NBPF8: variants seen among roughly 807,000 people sequenced by gnomAD.
NBPF8 encodes the protein NBPF family member NBPF8.
chr1:120,452,835 G>A (rs1661322542), intron 13 of NBPF8, among the ~76,000 whole-genome samples: 1 of 152,178 alleles, frequency 6.6e-6, no homozygotes, highest in Admixed American at 6.5e-5. Flanking sequence ...CTCGCCGTGT[G>A]ATGTTGGAGA....
chr1:120,420,234 A>AT (rs1660536586), intron 1 of NBPF8, among the ~76,000 whole-genome samples, 116 bp downstream of exon 2: 1 of 152,104 alleles, frequency 6.6e-6, no homozygotes, highest in Non-Finnish European at 1.5e-5. Flanking sequence ...CTTGCCTGGC[A>AT]TGAAACAGAT....
At chr1:120,451,689 C>A (rs1661276073) in intron 12 of NBPF8, among the ~76,000 whole-genome samples, 1 of 148,308 alleles carries the variant, frequency 6.7e-6, no homozygotes, top group African/African-American at 2.5e-5. Context: ...TCGACCCTGT[C>A]ATTCTTTTCT....
At chr1:120,434,415 T>TTA (rs55708778), upstream of NBPF8, among the ~76,000 whole-genome samples, 4,374 of 145,140 alleles carry the variant, frequency 0.03, 156 homozygotes, top group East Asian at 0.12. Context: ...TGTATATATA[T>TTA]TATATATATA....
chr1:120,454,017 G>T, exon 15 of NBPF8: 1 of 1,612,452 alleles, frequency 6.2e-7, no homozygotes, highest in Non-Finnish European at 8.5e-7. Flanking sequence ...AGCCACATAG[G>T]AAAACCAAAA....
At chr1:120,460,810 T>A (rs1345041330) in intron 18 of NBPF8, among the ~76,000 whole-genome samples, 186 bp downstream of exon 16, 1 of 151,946 alleles carries the variant, frequency 6.6e-6, no homozygotes, top group Non-Finnish European at 1.5e-5. Context: ...CCTACCCTTA[T>A]CATTTACTAA....
chr1:120,466,467 T>A, exon 25 of NBPF8: 1 of 436,410 alleles, frequency 2.3e-6, no homozygotes. Flanking sequence ...CAGTCGGACA[T>A]TTTAATTTGA....
At chr1:120,467,479 G>C (rs1404016732) in exon 25 of NBPF8, 1 of 50,444 alleles carries the variant, frequency 2.0e-5, no homozygotes, top group Non-Finnish European at 4.3e-5. Context: ...TGAAGTACTT[G>C]GGAAAGCAGT....
chr1:120,421,596 C>A (rs1660579759), intron 1 of NBPF8, among the ~76,000 whole-genome samples: 1 of 148,564 alleles, frequency 6.7e-6, no homozygotes, highest in Admixed American at 6.8e-5. Context: ...CTTTGTCTCT[C>A]ATGCTCTCTC....
chr1:120,428,738 T>C (rs12086328), intron 3 of NBPF8, among the ~76,000 whole-genome samples: 1 of 146,000 alleles, frequency 6.8e-6, no homozygotes, highest in East Asian at 1.9e-4. Context: ...CCTCAGCCTG[T>C]CAGTCTCTGT....
chr1:120,468,602 A>G (rs1395716467), downstream of NBPF8, among the ~76,000 whole-genome samples: 15 of 150,720 alleles, frequency 1.0e-4, no homozygotes, highest in East Asian at 1.9e-4. Flanking sequence ...TCTCTTCACC[A>G]TGAGTCTCCA....
exon 18 of NBPF8, chr1:120,460,621 C>A (rs1553250164): frequency 0.2 from 268,572 of 1,322,674 alleles, 35,081 homozygotes; most frequent in East Asian, 0.68. Context: ...GCAACAGGTC[C>A]CAGGTGAGTC....
intron 1 of NBPF8, among the ~76,000 whole-genome samples, chr1:120,422,562 G>T (rs1660604570): frequency 1.5e-5 from 2 of 129,138 alleles, no homozygotes; most frequent in Admixed American, 7.3e-5. Context: ...TGACTTGACA[G>T]CTTGTTTTGT....
At chr1:120,454,587 G>A (rs1661380468) in intron 15 of NBPF8, among the ~76,000 whole-genome samples, 1 of 151,786 alleles carries the variant, frequency 6.6e-6, no homozygotes. Flanking sequence ...CCTGAAATCA[G>A]TACGGAAACT....
chr1:120,452,393 C>T, intron 13 of NBPF8, 62 bp downstream of exon 11: 1 of 845,004 alleles, frequency 1.2e-6, no homozygotes, highest in Non-Finnish European at 2.0e-6. Flanking sequence ...TCCAGACCTC[C>T]ATACTTTCAC....
chr1:120,462,283 C>A, intron 20 of NBPF8, 86 bp downstream of exon 18: 2 of 676,852 alleles, frequency 3.0e-6, no homozygotes, highest in South Asian at 1.5e-5. Flanking sequence ...TGTTCAATTT[C>A]ATGTTTTCAA....
upstream of NBPF8, among the ~76,000 whole-genome samples, chr1:120,417,836 A>C (rs1187588756): frequency 2.1e-5 from 3 of 145,404 alleles, no homozygotes; most frequent in Non-Finnish European, 4.5e-5. Flanking sequence ...CTTGGGCTCA[A>C]GTAATCTTCC....
In NBPF8 at chr1:120,449,371, C is replaced by T. The variant is rs782245058; in HGVS notation, n.1940C>T. 2,542 of 1,539,200 alleles carry T rather than the reference C, an allele frequency of 1.7e-3. No homozygotes were observed. The African/African-American group carries it at 0.031, about 19-fold the overall frequency. On this transcript the variant is annotated non_coding_transcript_exon_variant, in exon 11 of 25. Coordinates refer to ENST00000583271, the Ensembl canonical transcript of NBPF8. ...AGAAATGTTTTCTAACTCAACTGGC[C>T]GGCTTCCTGGCCAACCGACAGAACA...
intron 14 of NBPF8, 150 bp downstream of exon 12, chr1:120,453,594 C>A: frequency 3.5e-6 from 3 of 862,858 alleles, no homozygotes; most frequent in Admixed American, 3.7e-5. Flanking sequence ...ACACAGGGTG[C>A]GGTAGCTGTC....
chr1:120,417,250 GGTGAT>G (rs1283740196), upstream of NBPF8, among the ~76,000 whole-genome samples: 1 of 146,282 alleles, frequency 6.8e-6, no homozygotes, highest in African/African-American at 2.6e-5. Context: ...CCAAGGCTCA[GGTGAT>G]CCTCCTGCCT....
Sources: gnomAD v4.1 joint callset for allele counts (sites outside exome capture counted in the v4.1 genomes callset) on GRCh38, gnomAD v4.1.1 for gene constraint, MANE v1.5 for transcripts, NCBI Gene and HGNC (gene_info 2026-07-23, HGNC 2026-07-21) for gene names.